The following ALDH1A2 variants were observed in gnomAD, a reference collection of about 807,000 sequenced individuals.
ALDH1A2 encodes aldehyde dehydrogenase 1 family member A2.
Under a neutral mutation model 60.3 loss-of-function variants are expected in ALDH1A2, and 27 were observed. The ratio of observed to expected loss-of-function variants is 0.45; its 90% CI spans 0.33 to 0.62. ALDH1A2 has a LOEUF of 0.62. ALDH1A2 is among the 20% of genes least tolerant of loss of function. The pLI, the probability that ALDH1A2 is intolerant of heterozygous loss-of-function variation, is 0.02. For synonymous variants in ALDH1A2, 289 were observed against 232.4 expected (o/e 1.24, Z -2.21); for missense variants, 581 against 643.8 (o/e 0.90, Z 1.06).
chr15:57,956,467 A>C (rs1893530046), intron 12 of ALDH1A2, among the ~76,000 whole-genome samples: 1 of 152,156 alleles, frequency 6.6e-6, no homozygotes, highest in East Asian at 1.9e-4. Context: ...TGGCCTACAT[A>C]AGGCTCCAGG....
At position 58,010,629 on chromosome 15, in the gene ALDH1A2, C is replaced by T. The variant is rs370280998; in HGVS notation, c.493+20G>A. 80 of 1,611,466 alleles carry T rather than the reference C, an allele frequency of 5.0e-5. No homozygotes were observed. Among genetic ancestry groups the T allele is most frequent in the Non-Finnish European group, 5.3e-5 (63 of 1,178,118 alleles). On this transcript the variant is annotated intron_variant, in intron 4 of 12. Transcript: ENST00000249750. Reference sequence around the variant, plus strand: ...GGTGGTTTCACGTTTTCCTTTTCAACGTACTCAGATTTCACATACCTACAG... The same window carrying T: ...GGTGGTTTCACGTTTTCCTTTTCAATGTACTCAGATTTCACATACCTACAG...
chr15:58,031,394 C>T (rs750916737), intron 1 of ALDH1A2, among the ~76,000 whole-genome samples: 16 of 152,174 alleles, frequency 1.1e-4, no homozygotes, highest in African/African-American at 3.6e-4. Context: ...AAATGTTAGA[C>T]CTAAAACCGT....
At chr15:58,026,728 G>C (rs927617668) in intron 1 of ALDH1A2, among the ~76,000 whole-genome samples, 2 of 152,194 alleles carry the variant, frequency 1.3e-5, no homozygotes, top group Non-Finnish European at 2.9e-5. Context: ...CCCATGCCAG[G>C]TTCGGCGGGT....
rs372883837 is a variant in ALDH1A2, at chr15:58,010,746, G to A, written c.396C>T (p.Phe132=). 8.7e-6 allele frequency: 14 copies of A among 1,613,338 alleles called. No individual in the cohort carries two copies. In the African/African-American group the frequency reaches 1.9e-4, roughly 22 times the overall value. ...TMESLNGGKP[F]LQAFYVDLQG... is the part of the protein sequence containing the mutation. ...GCAAATCCACATAAAAAGCTTGCAG[G>A]AATGGTTTGCCACCATTTAGGGATT... is the stretch of plus-strand genomic sequence containing the variant. Residue 132 remains phenylalanine (F), a synonymous_variant, in exon 4 of 13, where the codon TTC becomes TTT. Coordinates refer to ENST00000249750, the MANE Select transcript of ALDH1A2 (RefSeq NM_003888.4).
chr15:57,957,217 G>C (rs1893557503), intron 12 of ALDH1A2, among the ~76,000 whole-genome samples: 1 of 152,234 alleles, frequency 6.6e-6, no homozygotes, highest in Admixed American at 6.5e-5. Flanking sequence ...AGGGATGCCA[G>C]CTGAGTCACT....
intron 1 of ALDH1A2, among the ~76,000 whole-genome samples, chr15:58,018,453 G>A (rs1346054731): frequency 2.0e-5 from 3 of 152,028 alleles, no homozygotes; most frequent in Admixed American, 6.6e-5. Flanking sequence ...AAATACCATA[G>A]TAATAACTGC....
intron 1 of ALDH1A2, among the ~76,000 whole-genome samples, chr15:58,060,643 G>A (rs551871303): frequency 5.1e-4 from 78 of 152,164 alleles, no homozygotes; most frequent in African/African-American, 1.8e-3. Flanking sequence ...GGAAGGGCAT[G>A]CAAGTTTTTT....
At chr15:58,039,117 A>G (rs371351383) in intron 1 of ALDH1A2, among the ~76,000 whole-genome samples, 16 of 151,886 alleles carry the variant, frequency 1.1e-4, no homozygotes, top group African/African-American at 3.6e-4. Context: ...ACAGACTCCA[A>G]TGGCTGTTGA....
intron 1 of ALDH1A2, among the ~76,000 whole-genome samples, chr15:58,063,580 T>C (rs1217082572): frequency 6.6e-6 from 1 of 152,166 alleles, no homozygotes; most frequent in Admixed American, 6.5e-5. Context: ...TTGTCCACTA[T>C]GCTTGTCTTA....
At chr15:57,995,542 A>G (rs114358197) in intron 4 of ALDH1A2, among the ~76,000 whole-genome samples, 2,122 of 152,252 alleles carry the variant, frequency 0.014, 55 homozygotes, top group African/African-American at 0.047. Context: ...CTGAAGTATT[A>G]AAATAAACTA....
At chr15:58,020,523 G>A (rs1169270680) in intron 1 of ALDH1A2, among the ~76,000 whole-genome samples, 1 of 152,062 alleles carries the variant, frequency 6.6e-6, no homozygotes, top group African/African-American at 2.4e-5. Flanking sequence ...TAATATAAAT[G>A]CAAGCTAAGA....
chr15:58,058,567 T>C (rs1230180177), intron 1 of ALDH1A2, among the ~76,000 whole-genome samples: 3 of 151,340 alleles, frequency 2.0e-5, no homozygotes, highest in African/African-American at 7.3e-5. Flanking sequence ...TATTAAAATA[T>C]AACTTTTTAA....
At chr15:57,987,951 T>G (rs1894764969) in intron 7 of ALDH1A2, among the ~76,000 whole-genome samples, 1 of 146,078 alleles carries the variant, frequency 6.8e-6, no homozygotes, top group Admixed American at 6.8e-5. Flanking sequence ...CTGAGAGAAG[T>G]CATCACTAGT....
At chr15:58,032,825 C>G (rs948202193) in intron 1 of ALDH1A2, among the ~76,000 whole-genome samples, 2 of 151,832 alleles carry the variant, frequency 1.3e-5, no homozygotes, top group Non-Finnish European at 2.9e-5. Flanking sequence ...CGTGCGTACC[C>G]AACGGAATAT....
intron 1 of ALDH1A2, among the ~76,000 whole-genome samples, chr15:58,022,585 G>T (rs1234755909): frequency 3.3e-5 from 5 of 152,026 alleles, no homozygotes; most frequent in Admixed American, 6.6e-5. Context: ...AGGTGCCAGG[G>T]TATTCCACAC....
At chr15:57,983,205 C>T (rs1894573825) in intron 7 of ALDH1A2, among the ~76,000 whole-genome samples, 1 of 152,194 alleles carries the variant, frequency 6.6e-6, no homozygotes, top group Admixed American at 6.5e-5. Flanking sequence ...TACCTTCCAG[C>T]AAAATATGTA....
At chr15:58,058,739 G>T (rs1315599024) in intron 1 of ALDH1A2, among the ~76,000 whole-genome samples, 1 of 152,140 alleles carries the variant, frequency 6.6e-6, no homozygotes, top group Admixed American at 6.5e-5. Context: ...CTCTCCAAAG[G>T]TCAGACAGTG....
chr15:58,024,466 C>G (rs1433615710), intron 1 of ALDH1A2, among the ~76,000 whole-genome samples: 2 of 151,922 alleles, frequency 1.3e-5, no homozygotes, highest in Non-Finnish European at 2.9e-5. Flanking sequence ...AGATTTTAAG[C>G]CAAGAAGTTC....
chr15:58,031,727 T>C (rs902693030), intron 1 of ALDH1A2, among the ~76,000 whole-genome samples: 2 of 152,112 alleles, frequency 1.3e-5, no homozygotes, highest in Non-Finnish European at 2.9e-5. Context: ...AAGAAGACAT[T>C]TATGCAGCCA....
Sources: allele counts gnomAD v4.1 joint callset (sites outside exome capture counted in the v4.1 genomes callset), GRCh38; gene constraint gnomAD v4.1.1; transcripts MANE v1.5; gene names NCBI Gene and HGNC (gene_info 2026-07-23, HGNC 2026-07-21).